The following ROR1 variants were observed in gnomAD, a reference collection of about 807,000 sequenced individuals.
The protein encoded by ROR1 is ROR family WNT receptor 1.
In ROR1, 19 loss-of-function variants were observed where a neutral mutation model predicts 78.8. That is an observed-to-expected ratio of 0.24 (90% CI 0.17 to 0.35). The LOEUF (loss-of-function observed/expected upper bound fraction) is 0.35, where lower values mean the gene tolerates loss of function less well. Among genes scored for constraint, ROR1 ranks in the 10% least tolerant of loss-of-function variants. The probability of loss-of-function intolerance (pLI) is 1.00; values close to 1 mark genes in which losing one functional copy is unlikely to be tolerated. For missense variants in ROR1, 917 were observed against 1,177.8 expected (o/e 0.78, Z 3.24); for synonymous variants, 386 against 433.6 (o/e 0.89, Z 1.36).
chr1:64,154,573 T>C (rs1270328409), intron 7 of ROR1, among the ~76,000 whole-genome samples: 1 of 152,194 alleles, frequency 6.6e-6, no homozygotes, highest in Admixed American at 6.5e-5. Flanking sequence ...TTACTTTGCT[T>C]TAAGCTTCAG....
intron 1 of ROR1, among the ~76,000 whole-genome samples, chr1:63,959,080 C>T (rs1646006632): frequency 6.6e-6 from 1 of 152,188 alleles, no homozygotes; most frequent in African/African-American, 2.4e-5. Context: ...CACAGTTCAG[C>T]ATGGCTTAGG....
chr1:63,898,045 C>T, intron 1 of ROR1, among the ~76,000 whole-genome samples: 1 of 152,178 alleles, frequency 6.6e-6, no homozygotes, highest in East Asian at 1.9e-4. Flanking sequence ...TTGTCTGCTA[C>T]ATTTAGACAA....
At chr1:64,043,950 A>G (rs892539294) in intron 2 of ROR1, among the ~76,000 whole-genome samples, 2 of 152,226 alleles carry the variant, frequency 1.3e-5, no homozygotes, top group Non-Finnish European at 2.9e-5. Flanking sequence ...AATGTTAGCT[A>G]TGATCATCAC....
At chr1:64,131,465 C>T (rs773623456) in intron 4 of ROR1, among the ~76,000 whole-genome samples, 18 of 152,180 alleles carry the variant, frequency 1.2e-4, no homozygotes, top group Middle Eastern at 3.4e-3. Flanking sequence ...GCTACCCCCA[C>T]GACCTCCCCC....
chr1:64,052,270 T>C (rs975044876), intron 4 of ROR1, among the ~76,000 whole-genome samples: 1 of 152,118 alleles, frequency 6.6e-6, no homozygotes, highest in Non-Finnish European at 1.5e-5. Flanking sequence ...ATGAAAACTT[T>C]TGTTACTTGT....
chr1:63,995,318 C>G (rs1379491233), intron 1 of ROR1, among the ~76,000 whole-genome samples: 2 of 152,090 alleles, frequency 1.3e-5, no homozygotes, highest in African/African-American at 4.8e-5. Flanking sequence ...GAACTCTGTA[C>G]TTTTGGATGT....
intron 1 of ROR1, among the ~76,000 whole-genome samples, chr1:63,793,930 G>A (rs1311424135): frequency 1.3e-5 from 2 of 152,224 alleles, no homozygotes; most frequent in African/African-American, 4.8e-5. Flanking sequence ...CTCAGGAGAA[G>A]CAGAGACCCC....
chr1:63,999,526 T>C, intron 1 of ROR1, among the ~76,000 whole-genome samples: 1 of 152,038 alleles, frequency 6.6e-6, no homozygotes, highest in East Asian at 1.9e-4. Context: ...ATTGCAGCAT[T>C]TATCATATTA....
At chr1:64,005,133 T>C (rs1646417683) in intron 1 of ROR1, among the ~76,000 whole-genome samples, 1 of 152,198 alleles carries the variant, frequency 6.6e-6, no homozygotes, top group Non-Finnish European at 1.5e-5. Flanking sequence ...ATGTGTTATT[T>C]CAAATACAGA....
chr1:64,149,081 C>T (rs913766499), intron 7 of ROR1, among the ~76,000 whole-genome samples: 4 of 152,238 alleles, frequency 2.6e-5, no homozygotes, highest in South Asian at 2.1e-4. Context: ...CTCTTATGTG[C>T]GTGGCATTTT....
intron 1 of ROR1, among the ~76,000 whole-genome samples, chr1:63,821,089 A>C (rs1644920699): frequency 6.6e-6 from 1 of 152,160 alleles, no homozygotes; most frequent in African/African-American, 2.4e-5. Context: ...TTTTATTCTC[A>C]AGATTATGCT....
intron 1 of ROR1, among the ~76,000 whole-genome samples, chr1:63,928,921 C>G (rs766508085): frequency 6.6e-6 from 1 of 152,116 alleles, no homozygotes; most frequent in Non-Finnish European, 1.5e-5. Context: ...CACAGTGTGC[C>G]CTCTGTCAGG....
At chr1:63,971,465 T>G (rs1406640819) in intron 1 of ROR1, among the ~76,000 whole-genome samples, 1 of 152,132 alleles carries the variant, frequency 6.6e-6, no homozygotes, top group East Asian at 1.9e-4. Flanking sequence ...GGTCTTAGAG[T>G]GCTTTGATTA....
chr1:63,843,187 C>A, intron 1 of ROR1: 1 of 1,320,818 alleles, frequency 7.6e-7, no homozygotes, highest in Non-Finnish European at 1.1e-6. Context: ...TGGCCAGAAC[C>A]GGCTCACAAA....
At chr1:63,884,758 G>A (rs1471896507) in intron 1 of ROR1, among the ~76,000 whole-genome samples, 1 of 152,090 alleles carries the variant, frequency 6.6e-6, no homozygotes, top group Non-Finnish European at 1.5e-5. Context: ...TGTGGAAAGT[G>A]CTGGTAAATG....
At chr1:64,122,190 G>A (rs1288638043) in intron 4 of ROR1, among the ~76,000 whole-genome samples, 1 of 152,152 alleles carries the variant, frequency 6.6e-6, no homozygotes, top group Non-Finnish European at 1.5e-5. Flanking sequence ...TTATGAGTCA[G>A]GTTAAGGAAT....
At chr1:64,016,197 G>T (rs1045957609) in intron 2 of ROR1, among the ~76,000 whole-genome samples, 11 of 152,090 alleles carry the variant, frequency 7.2e-5, no homozygotes, top group African/African-American at 2.7e-4. Context: ...TGTTCTGGCT[G>T]CATTACCCAT....
intron 1 of ROR1, among the ~76,000 whole-genome samples, chr1:63,836,054 AG>A (rs1328639409): frequency 6.6e-6 from 1 of 152,228 alleles, no homozygotes; most frequent in Non-Finnish European, 1.5e-5. Context: ...TAGCCCCAAG[AG>A]GTAGATTTTC....
rs553382414 is a variant in ROR1, at chr1:64,090,373, G to A, written c.482+39657G>A. On this transcript the variant is annotated intron_variant, in intron 4 of 8. Coordinates refer to ENST00000371079, the MANE Select transcript of ROR1 (RefSeq NM_005012.4). Reference sequence around the variant, plus strand: ...AGTCAGATTTGGATGAACATTAGTTGATGCATTGAAACATGGATTATGTCA... The same window carrying A: ...AGTCAGATTTGGATGAACATTAGTTAATGCATTGAAACATGGATTATGTCA... Among the ~76,000 whole-genome samples the A allele has an allele frequency of 1.1e-3, 164 of 152,266 alleles. 2 individuals are homozygous for A. Among genetic ancestry groups the A allele is most frequent in the African/African-American group, 3.8e-3 (158 of 41,574 alleles).
Sources: allele counts gnomAD v4.1 joint callset (sites outside exome capture counted in the v4.1 genomes callset), GRCh38; gene constraint gnomAD v4.1.1; transcripts MANE v1.5; gene names NCBI Gene and HGNC (gene_info 2026-07-23, HGNC 2026-07-21).